The following KIF13A variants were observed in gnomAD, a reference collection of about 807,000 sequenced individuals.
The protein encoded by KIF13A is kinesin family member 13A.
A neutral mutation model predicts 212.2 loss-of-function variants in KIF13A; 79 were observed. The ratio of observed to expected loss-of-function variants is 0.37; its 90% CI spans 0.31 to 0.45. The LOEUF (loss-of-function observed/expected upper bound fraction) is 0.45. Among genes scored for constraint, KIF13A ranks in the 20% least tolerant of loss-of-function variants. The pLI is 1.00. For missense variants in KIF13A, 1,901 were observed against 2,209.0 expected (o/e 0.86, Z 2.79); for synonymous variants, 789 against 808.6 (o/e 0.98, Z 0.41).
chr6:17,863,688 T>C (rs1044612939), intron 4 of KIF13A, among the ~76,000 whole-genome samples: 6 of 152,202 alleles, frequency 3.9e-5, no homozygotes, highest in Non-Finnish European at 8.8e-5. Context: ...GAAACACAGA[T>C]GATGGCTACA....
chr6:17,959,098 G>T (rs935288732), intron 2 of KIF13A, among the ~76,000 whole-genome samples: 1 of 151,648 alleles, frequency 6.6e-6, no homozygotes, highest in African/African-American at 2.4e-5. Flanking sequence ...TCACTATCTT[G>T]CCCAGGCTGT....
Position 17,794,868 on chromosome 6 carries a change from T to C in KIF13A, c.2943-164A>G. ...TAACTCTCAAAACCAACCTGTCATATTGTTTCTTTTTATTTATTTTACTGA... is the reference window on the plus strand; with the variant it reads ...TAACTCTCAAAACCAACCTGTCATACTGTTTCTTTTTATTTATTTTACTGA... On this transcript the variant is annotated intron_variant, in intron 23 of 38. Transcript: ENST00000259711. This position sits in a 1 kb window ranked among gnomAD's most constrained non-coding sequence, Gnocchi z 4.1. The C allele has an allele frequency of 1.6e-6, 1 of 631,098 alleles. No individual in the cohort carries two copies. The highest frequency in any genetic ancestry group is 2.6e-6 in the Non-Finnish European group (1 of 383,722). The allele number at this position is 631,098 out of a possible 1,614,324, so 39.1% of individuals were successfully genotyped here. A position where few individuals can be genotyped will look rare whatever the true frequency, so the allele number is the denominator to read the frequency against.
intron 2 of KIF13A, among the ~76,000 whole-genome samples, chr6:17,977,713 A>T (rs981735176): frequency 1.4e-4 from 21 of 152,344 alleles, no homozygotes; most frequent in Admixed American, 1.2e-3. Flanking sequence ...TAATTTTTTT[A>T]AATTATACTT....
At chr6:17,887,367 T>A (rs1771642723) in intron 3 of KIF13A, among the ~76,000 whole-genome samples, 1 of 152,196 alleles carries the variant, frequency 6.6e-6, no homozygotes, top group Non-Finnish European at 1.5e-5. Flanking sequence ...TCACGGAGCA[T>A]AAGCAGGTTC....
chr6:17,822,534 T>C (rs1000131198), intron 16 of KIF13A, among the ~76,000 whole-genome samples: 5 of 152,188 alleles, frequency 3.3e-5, no homozygotes, highest in African/African-American at 9.6e-5. Flanking sequence ...AATTTATATA[T>C]AAGAAGGTAG....
At chr6:17,948,979 CAATA>C (rs1480161982) in intron 2 of KIF13A, among the ~76,000 whole-genome samples, 1 of 152,046 alleles carries the variant, frequency 6.6e-6, no homozygotes, top group African/African-American at 2.4e-5. Context: ...TTTCGACTAA[CAATA>C]AACAGTCTTT....
chr6:17,884,067 T>C (rs1443429284), intron 3 of KIF13A, among the ~76,000 whole-genome samples: 5 of 152,180 alleles, frequency 3.3e-5, no homozygotes, highest in Admixed American at 2.0e-4. Flanking sequence ...CCCTGCCCAG[T>C]GAAGTACAAC....
Position 17,825,999 on chromosome 6 carries a change from A to G in KIF13A, c.1619+39T>C, listed in dbSNP as rs768165100. ...TACACTTAAATAGATAACAGAAAAA[A>G]TGTATACGAAAATATATTACAGAAC... On this transcript the variant is annotated intron_variant, in intron 15 of 38. Coordinates refer to ENST00000259711, the MANE Select transcript of KIF13A (RefSeq NM_022113.6). This position sits in a 1 kb window ranked among gnomAD's most constrained non-coding sequence, Gnocchi z 4.5. 2 of 1,610,728 alleles carry G rather than the reference A, an allele frequency of 1.2e-6. No individual in the cohort carries two copies. The highest frequency in any genetic ancestry group is 1.7e-6 in the Non-Finnish European group (2 of 1,177,296).
At chr6:17,822,353 C>T (rs1764534373) in intron 16 of KIF13A, among the ~76,000 whole-genome samples, 1 of 152,082 alleles carries the variant, frequency 6.6e-6, no homozygotes, top group Non-Finnish European at 1.5e-5. Flanking sequence ...ATAAATATGA[C>T]TTCAATATGG....
At chr6:17,901,750 T>C (rs1416712984) in intron 2 of KIF13A, among the ~76,000 whole-genome samples, 1 of 152,238 alleles carries the variant, frequency 6.6e-6, no homozygotes, top group Non-Finnish European at 1.5e-5. Flanking sequence ...GCCAAATTCA[T>C]CTTTTAACAA....
chr6:17,906,322 T>C (rs759600654), intron 2 of KIF13A, among the ~76,000 whole-genome samples: 1 of 152,190 alleles, frequency 6.6e-6, no homozygotes, highest in Non-Finnish European at 1.5e-5. Flanking sequence ...TTATTTCCTC[T>C]AAGACTTTGA....
chr6:17,804,556 C>T, intron 19 of KIF13A, 46 bp from the exon 20 acceptor site: 1 of 1,453,038 alleles, frequency 6.9e-7, no homozygotes, highest in Admixed American at 2.5e-5. Context: ...AGAAACATAA[C>T]ATCAATTTAA....
At chr6:17,905,726 A>G (rs747775095) in intron 2 of KIF13A, among the ~76,000 whole-genome samples, 2 of 152,182 alleles carry the variant, frequency 1.3e-5, no homozygotes, top group Non-Finnish European at 2.9e-5. Context: ...TGTTATCCCA[A>G]TAGGGGGAAT....
At chr6:17,860,296 C>T (rs1333409540) in intron 4 of KIF13A, among the ~76,000 whole-genome samples, 3 of 152,120 alleles carry the variant, frequency 2.0e-5, no homozygotes, top group African/African-American at 4.8e-5. Context: ...TCAAGCGATT[C>T]TCCTGCCTCA....
intron 2 of KIF13A, among the ~76,000 whole-genome samples, chr6:17,972,158 G>C (rs1779858518): frequency 6.6e-6 from 1 of 152,144 alleles, no homozygotes; most frequent in African/African-American, 2.4e-5. Context: ...AGTGGATAAG[G>C]CTGCTCAAAT....
chr6:17,943,884 T>C (rs1053492404), intron 2 of KIF13A, among the ~76,000 whole-genome samples: 1 of 152,078 alleles, frequency 6.6e-6, no homozygotes, highest in East Asian at 1.9e-4. Context: ...AGAACACCAG[T>C]TAATGCAGTG....
rs1403997841 is a variant in KIF13A at position 17,776,499 on chromosome 6, C to G, written c.4170+778G>C. Among the ~76,000 whole-genome samples, 2 of 152,174 alleles carry G rather than the reference C, an allele frequency of 1.3e-5. No individual in the cohort carries two copies. The highest frequency in any genetic ancestry group is 2.1e-4 in the South Asian group (1 of 4,830). ...TTACAACTATATGAGTCTCTCTTAT[C>G]TATTTCTAATAAATGCATTGTGGTC... On this transcript the variant is annotated intron_variant, in intron 34 of 38. Transcript: ENST00000259711. The surrounding 1 kb of genome is among the most constrained non-coding windows in gnomAD (Gnocchi z 4.6).
chr6:17,920,035 T>G (rs1169768556), intron 2 of KIF13A, among the ~76,000 whole-genome samples: 11 of 152,230 alleles, frequency 7.2e-5, no homozygotes, highest in Admixed American at 7.2e-4. Context: ...ATTTCAATGA[T>G]TTAGGATTAA....
intron 3 of KIF13A, among the ~76,000 whole-genome samples, chr6:17,894,682 T>A (rs1029195506): frequency 1.3e-5 from 2 of 152,188 alleles, no homozygotes; most frequent in African/African-American, 2.4e-5. Flanking sequence ...ACATTATTCA[T>A]AACTAAACTT....
Sources: allele counts gnomAD v4.1 joint callset (sites outside exome capture counted in the v4.1 genomes callset), GRCh38; gene constraint gnomAD v4.1.1; non-coding constraint Gnocchi (gnomAD v3.1); transcripts MANE v1.5; gene names NCBI Gene and HGNC (gene_info 2026-07-23, HGNC 2026-07-21).